Variants in TCN2 observed in about 807,000 individuals in gnomAD.
TCN2 encodes transcobalamin-2.
A neutral mutation model predicts 48.6 loss-of-function variants in TCN2; 34 were observed. The observed-to-expected ratio is 0.70, with a 90% CI of 0.53 to 0.93. The LOEUF (loss-of-function observed/expected upper bound fraction) is 0.93. Among genes scored for constraint, TCN2 ranks in the 40% least tolerant of loss-of-function variants. The pLI is 0.00. For missense variants in TCN2, 652 were observed against 526.1 expected (o/e 1.24, Z -2.34); for synonymous variants, 283 against 212.5 (o/e 1.33, Z -2.89).
chr22:30,626,806 T>C lies in TCN2; in HGVS notation c.*285T>C, dbSNP rs2087817822. The C allele has an allele frequency of 1.8e-6, 1 of 550,002 alleles. No homozygotes were observed. Among genetic ancestry groups the C allele is most frequent in the Non-Finnish European group, 3.3e-6 (1 of 304,298 alleles). 34.1% of individuals were successfully genotyped at this position (550,002 alleles called of 1,614,324 possible). A position where few individuals can be genotyped will look rare whatever the true frequency, so the allele number is the denominator to read the frequency against. ...AGGCCACCCCATGGTCTGATGGGCA[T>C]GAAGCATCTCAGACTCCTTGGCAAA... On this transcript the variant is annotated 3_prime_UTR_variant, in exon 9 of 9. Transcript: ENST00000215838.
At chr22:30,618,019 C>T (rs117005270) in intron 7 of TCN2, among the ~76,000 whole-genome samples, 2,684 of 152,148 alleles carry the variant, frequency 0.018, 36 homozygotes, top group Non-Finnish European at 0.02. Context: ...CGTCTCACTG[C>T]AGTCTCGAAC....
chr22:30,621,411 T>C (rs2267164), intron 7 of TCN2, among the ~76,000 whole-genome samples: 101,938 of 151,948 alleles, frequency 0.67, 35,485 homozygotes, highest in African/African-American at 0.87. Context: ...TCCCTGTTAC[T>C]TTGACGGTCT....
chr22:30,625,351 C>T (rs543852267), intron 8 of TCN2, among the ~76,000 whole-genome samples: 11 of 152,032 alleles, frequency 7.2e-5, no homozygotes, highest in Non-Finnish European at 1.6e-4. Context: ...TGGCTGTGTT[C>T]TCACATGGTG....
rs1449517245 is a variant in TCN2, at chr22:30,617,515, G to C, written c.1106+20G>C. On this transcript the variant is annotated intron_variant, in intron 7 of 8. Coordinates refer to ENST00000215838, the MANE Select transcript of TCN2 (RefSeq NM_000355.4). ...ATTCACGTGAGACTCCCACCTCCCA[G>C]TCCTCACCCCACCCAACCTCACATG... 1 of 1,613,966 alleles carries C rather than the reference G, an allele frequency of 6.2e-7. No homozygotes were observed. Among genetic ancestry groups the C allele is most frequent in the South Asian group, 1.1e-5 (1 of 91,074 alleles).
At chr22:30,623,710 A>ATT (rs1422574395) in intron 8 of TCN2, among the ~76,000 whole-genome samples, 11 of 133,508 alleles carry the variant, frequency 8.2e-5, no homozygotes, top group Non-Finnish European at 1.7e-4. Flanking sequence ...ATATATATAT[A>ATT]TACAGACACA....
chr22:30,623,789 CATAT>C (rs1228723748), intron 8 of TCN2, among the ~76,000 whole-genome samples: 1 of 5,652 alleles, frequency 1.8e-4, no homozygotes, highest in South Asian at 6.9e-3. Context: ...TATATGTATA[CATAT>C]ATACACACAT....
chr22:30,620,241 CAGG>C (rs1305231391), intron 7 of TCN2, among the ~76,000 whole-genome samples: 10 of 152,076 alleles, frequency 6.6e-5, no homozygotes, highest in Non-Finnish European at 2.9e-5. Flanking sequence ...TACTTGAGGC[CAGG>C]AGTTCAAAAC....
Position 30,610,944 on chromosome 22 carries a change from C to T in TCN2, c.138C>T (p.Ser46=), listed in dbSNP as rs143250551. The T allele has an allele frequency of 2.6e-4, 421 of 1,614,162 alleles. 6 individuals are homozygous for T. In the African/African-American group the frequency reaches 4.5e-3, roughly 17 times the overall value. Residue 46 remains serine (S), a synonymous_variant, in exon 2 of 9, where the codon TCC becomes TCT. Transcript: ENST00000215838. ...QHLLPWMDRL[S]LEHLNPSIYV... Reference sequence around the variant, plus strand: ...TCTTACCTTGGATGGACCGGCTTTCCCTGGAGCACTTGAACCCCAGCATCT... The same window carrying T: ...TCTTACCTTGGATGGACCGGCTTTCTCTGGAGCACTTGAACCCCAGCATCT...
Position 30,626,674 on chromosome 22 carries a change from T to C in TCN2, c.*153T>C. The C allele has an allele frequency of 1.2e-6, 1 of 818,770 alleles. No homozygotes were observed. The allele number at this position is 818,770 out of a possible 1,614,324, so 50.7% of individuals were successfully genotyped here. ...TGGGATCACCCCAGCCACAAGCCCT[T>C]CGAGGGCCCTATACCATGGCCCACC... is the stretch of plus-strand genomic sequence containing the variant. On this transcript the variant is annotated 3_prime_UTR_variant, in exon 9 of 9. Coordinates refer to ENST00000215838, the MANE Select transcript of TCN2 (RefSeq NM_000355.4).
intron 8 of TCN2, among the ~76,000 whole-genome samples, chr22:30,626,134 C>T (rs183102577): frequency 4.6e-5 from 7 of 152,272 alleles, no homozygotes; most frequent in African/African-American, 1.7e-4. Flanking sequence ...AAAGCTGACT[C>T]CTGGGAGACT....
intron 6 of TCN2, among the ~76,000 whole-genome samples, chr22:30,616,487 CAA>C (rs58169513): frequency 0.051 from 4,825 of 94,424 alleles, 115 homozygotes; most frequent in Middle Eastern, 0.083. Context: ...GACTATGTCT[CAA>C]AAAAAAAAAA....
At chr22:30,621,246 G>T (rs949253638) in intron 7 of TCN2, among the ~76,000 whole-genome samples, 1 of 151,996 alleles carries the variant, frequency 6.6e-6, no homozygotes, top group South Asian at 2.1e-4. Context: ...ACCCACCTCC[G>T]CCTCCTCAAG....
chr22:30,610,114 T>C, intron 1 of TCN2: 1 of 445,340 alleles, frequency 2.2e-6, no homozygotes, highest in South Asian at 1.7e-5. Flanking sequence ...GCTTCCAGAG[T>C]GTTTGAGTAT....
At chr22:30,618,684 T>C (rs1482727196) in intron 7 of TCN2, among the ~76,000 whole-genome samples, 6 of 151,074 alleles carry the variant, frequency 4.0e-5, no homozygotes, top group Non-Finnish European at 2.9e-5. Flanking sequence ...CTCTCTGTTA[T>C]CCAGGCTGAA....
At chr22:30,617,687 C>A in intron 7 of TCN2, 192 bp downstream of exon 7, 1 of 748,970 alleles carries the variant, frequency 1.3e-6, no homozygotes, top group Non-Finnish European at 2.2e-6. Context: ...AGCATTGTCA[C>A]TGAGAGAGCA....
Position 30,612,029 on chromosome 22 carries a change from G to A in TCN2, c.258-844G>A, listed in dbSNP as rs561179605. ...AGGCAGGAAGATTGCTTGAGCTCAG[G>A]AGTTTGAGACCAGCCTAGGCAACAT... is the stretch of plus-strand genomic sequence containing the variant. On this transcript the variant is annotated intron_variant, in intron 2 of 8. Transcript: ENST00000215838. Among the ~76,000 whole-genome samples the A allele has an allele frequency of 1.4e-3, 209 of 152,062 alleles. 5 individuals are homozygous for A. The highest frequency in any genetic ancestry group is 4.1e-3 in the African/African-American group (169 of 41,488).
chr22:30,619,991 C>A (rs2087673685), intron 7 of TCN2, among the ~76,000 whole-genome samples: 2 of 152,030 alleles, frequency 1.3e-5, no homozygotes, highest in Non-Finnish European at 2.9e-5. Context: ...GCCATCTCTT[C>A]AAAAAAATTT....
At chr22:30,612,340 G>A (rs903394471) in intron 2 of TCN2, among the ~76,000 whole-genome samples, 1 of 152,188 alleles carries the variant, frequency 6.6e-6, no homozygotes, top group African/African-American at 2.4e-5. Flanking sequence ...CATGAGGTTA[G>A]GAGTTCGAAA....
intron 6 of TCN2, among the ~76,000 whole-genome samples, chr22:30,616,475 A>C (rs1190732736): frequency 7.2e-6 from 1 of 139,860 alleles, no homozygotes; most frequent in Non-Finnish European, 1.5e-5. Flanking sequence ...GTGACAGAGT[A>C]AGACTATGTC....
Sources: allele counts gnomAD v4.1 joint callset (sites outside exome capture counted in the v4.1 genomes callset), GRCh38; gene constraint gnomAD v4.1.1; transcripts MANE v1.5; gene names NCBI Gene and HGNC (gene_info 2026-07-23, HGNC 2026-07-21).